The following ACAD11 variants were observed in gnomAD, a reference collection of about 807,000 sequenced individuals.
ACAD11 encodes the protein acyl-Coenzyme A dehydrogenase family, member 11.
In ACAD11, 83 loss-of-function variants were observed where a neutral mutation model predicts 102.2. That is an observed-to-expected ratio of 0.81 (90% confidence interval 0.68 to 0.97). ACAD11 has a LOEUF of 0.97. Among genes scored for constraint, ACAD11 ranks in the 50% least tolerant of loss-of-function variants. The probability of loss-of-function intolerance (pLI) is 0.00; values close to 1 mark genes in which losing one functional copy is unlikely to be tolerated. For missense variants in ACAD11, 901 were observed against 951.7 expected (o/e 0.95, Z 0.70); for synonymous variants, 324 against 319.8 (o/e 1.01, Z -0.14).
chr3:132,628,275 G>A (rs1481905693), intron 8 of ACAD11, 65 bp downstream of exon 8: 1 of 1,139,820 alleles, frequency 8.8e-7, no homozygotes, highest in African/African-American at 1.6e-5. Context: ...CCCCTAAAGT[G>A]TATAACCTTC....
chr3:132,577,147 G>GGTAA, intron 15 of ACAD11, 132 bp from the exon 16 acceptor site: 6 of 639,510 alleles, frequency 9.4e-6, no homozygotes, highest in Non-Finnish European at 1.6e-5. Flanking sequence ...AACATTCTGA[G>GGTAA]GTAAGCCTCA....
intron 17 of ACAD11, among the ~76,000 whole-genome samples, chr3:132,571,360 T>G (rs1364298157): frequency 6.6e-6 from 1 of 151,666 alleles, no homozygotes; most frequent in Non-Finnish European, 1.5e-5. Flanking sequence ...TTTTTTTTTT[T>G]GTAAATTTGT....
In ACAD11 at chr3:132,639,478, A is replaced by T; in HGVS notation, c.702+14T>A. 4.4e-6 allele frequency: 7 copies of T among 1,608,930 alleles called. No homozygotes were observed. Among genetic ancestry groups the T allele is most frequent in the Non-Finnish European group, 5.1e-6 (6 of 1,177,836 alleles). On this transcript the variant is annotated intron_variant, in intron 5 of 19. Coordinates refer to ENST00000264990, the MANE Select transcript of ACAD11 (RefSeq NM_032169.5). ...CAGACCTACTCAATTAATTGTAAAC[A>T]TAGCTAACTGTACCTCTTTAGGGTG...
At chr3:132,586,830 C>T (rs62291485) in intron 13 of ACAD11, among the ~76,000 whole-genome samples, 14,068 of 152,216 alleles carry the variant, frequency 0.092, 818 homozygotes, top group Middle Eastern at 0.14. Flanking sequence ...CAGTGGCTCA[C>T]GCCTGTAATC....
intron 1 of ACAD11, among the ~76,000 whole-genome samples, chr3:132,651,341 C>T (rs1940924336): frequency 6.6e-6 from 1 of 152,156 alleles, no homozygotes; most frequent in Admixed American, 6.5e-5. Flanking sequence ...CTCTCATTAA[C>T]ACTACTCCTG....
chr3:132,607,837 G>A lies in ACAD11; in HGVS notation c.1415-2632C>T, dbSNP rs185334451. ...ACACATAATCGTCAGATTCACCAAG[G>A]TTGAAATGAAAGAAAAAATGTGAGG... On this transcript the variant is annotated intron_variant, in intron 11 of 19. Coordinates refer to ENST00000264990, the MANE Select transcript of ACAD11 (RefSeq NM_032169.5). 1.4e-4 allele frequency among the ~76,000 whole-genome samples: 21 copies of A among 152,218 alleles called. No homozygotes were observed. The East Asian group carries it at 3.9e-3, about 28-fold the overall frequency.
intron 1 of ACAD11, chr3:132,646,342 G>T (rs1418497740): frequency 6.6e-6 from 1 of 152,132 alleles, no homozygotes; most frequent in African/African-American, 2.4e-5. Flanking sequence ...CTTGTGATCC[G>T]CCTGCCTGGG....
chr3:132,562,955 A>C (rs1301547593), intron 17 of ACAD11, among the ~76,000 whole-genome samples: 1 of 152,162 alleles, frequency 6.6e-6, no homozygotes, highest in Non-Finnish European at 1.5e-5. Flanking sequence ...TTACAGCTTT[A>C]CCTTTTACAT....
chr3:132,655,413 C>G (rs941872563), intron 1 of ACAD11, among the ~76,000 whole-genome samples: 1 of 152,190 alleles, frequency 6.6e-6, no homozygotes, highest in African/African-American at 2.4e-5. Context: ...GCCAAAGTCT[C>G]TTTATTGCCT....
intron 17 of ACAD11, among the ~76,000 whole-genome samples, chr3:132,563,141 T>C (rs1164692500): frequency 3.3e-5 from 5 of 152,250 alleles, no homozygotes; most frequent in African/African-American, 4.8e-5. Flanking sequence ...CCTATATTTC[T>C]ATGAATCTAT....
intron 1 of ACAD11, among the ~76,000 whole-genome samples, chr3:132,652,929 G>A (rs1937610451): frequency 6.6e-6 from 1 of 152,080 alleles, no homozygotes; most frequent in South Asian, 2.1e-4. Context: ...ATTGGTTAAG[G>A]TCCACCTCAG....
At chr3:132,568,625 G>A (rs1937280154) in intron 17 of ACAD11, among the ~76,000 whole-genome samples, 1 of 152,146 alleles carries the variant, frequency 6.6e-6, no homozygotes, top group Non-Finnish European at 1.5e-5. Context: ...CAGTAATCAA[G>A]ACTGTGCAGT....
At chr3:132,560,595 C>CAGAGTCTTTTA (rs1937027460) in intron 18 of ACAD11, among the ~76,000 whole-genome samples, 1 of 151,816 alleles carries the variant, frequency 6.6e-6, no homozygotes, top group Non-Finnish European at 1.5e-5. Flanking sequence ...TTTTAAGAGA[C>CAGAGTCTTTTA]AGGGTCTCAC....
At chr3:132,621,214 A>C (rs1939595345) in intron 9 of ACAD11, 1 of 152,222 alleles carries the variant, frequency 6.6e-6, no homozygotes, top group South Asian at 2.1e-4. Flanking sequence ...AAACTACAGA[A>C]CATTAAAGAG....
chr3:132,593,417 T>C (rs1938165575), intron 13 of ACAD11, among the ~76,000 whole-genome samples: 1 of 152,182 alleles, frequency 6.6e-6, no homozygotes, highest in Non-Finnish European at 1.5e-5. Context: ...ACAGCAATAA[T>C]GAAAACATTC....
chr3:132,575,264 C>G (rs1423120970), intron 17 of ACAD11, among the ~76,000 whole-genome samples: 1 of 152,184 alleles, frequency 6.6e-6, no homozygotes, highest in Non-Finnish European at 1.5e-5. Flanking sequence ...GAATATCTCA[C>G]AAAATGTTGG....
intron 17 of ACAD11, among the ~76,000 whole-genome samples, chr3:132,575,050 T>C (rs1162185387): frequency 6.6e-6 from 1 of 152,116 alleles, no homozygotes; most frequent in Admixed American, 6.5e-5. Flanking sequence ...TTTCACCATG[T>C]TGCCCAGGCT....
rs1937046732 is a variant in ACAD11, at chr3:132,561,213, A to G, written c.2006T>C (p.Val669Ala). The G allele has an allele frequency of 3.7e-6, 6 of 1,612,126 alleles. No individual in the cohort carries two copies. Among genetic ancestry groups the G allele is most frequent in the East Asian group, 2.2e-5 (1 of 44,842 alleles). Reference protein sequence around the residue: ...AFKKKLYAHEVVAHWIAESRI... With the variant: ...AFKKKLYAHEAVAHWIAESRI... ...GCTTTCAGCAATCCAGTGAGCCACA[A>G]CCTCCTATAGGGGAGGAAAAGGCAG... The change falls in exon 18 of 20, where the codon GTT (valine) becomes GCT (alanine). Residue 669 changes from valine to alanine, a missense_variant. Val to Ala is a moderately conservative substitution (Grantham distance 64). Coordinates refer to ENST00000264990, the MANE Select transcript of ACAD11 (RefSeq NM_032169.5).
intron 17 of ACAD11, among the ~76,000 whole-genome samples, chr3:132,567,320 A>G (rs186923334): frequency 4.2e-4 from 64 of 152,298 alleles, no homozygotes; most frequent in African/African-American, 1.4e-3. Flanking sequence ...AAGGAACTTA[A>G]AGGAAGGTAA....
Sources: allele counts gnomAD v4.1 joint callset (sites outside exome capture counted in the v4.1 genomes callset), GRCh38; gene constraint gnomAD v4.1.1; transcripts MANE v1.5; gene names NCBI Gene and HGNC (gene_info 2026-07-23, HGNC 2026-07-21).